Variants in SOX6 observed in about 807,000 individuals in gnomAD.
SOX6 encodes SRY-box transcription factor 6, also known as transcription factor SOX-6.
SOX6 carries 11 observed loss-of-function variants against 97.8 expected under a neutral mutation model. The ratio of observed to expected loss-of-function variants is 0.11; its 90% CI spans 0.07 to 0.19. The LOEUF (loss-of-function observed/expected upper bound fraction) is 0.19. Ranked by LOEUF, SOX6 falls within the 10% of genes least tolerant of loss-of-function variation. The pLI is 1.00. For synonymous variants in SOX6, 360 were observed against 371.4 expected (o/e 0.97, Z 0.35); for missense variants, 810 against 1,039.5 (o/e 0.78, Z 3.04).
chr11:16,677,578 G>A (rs752209650), intron 3 of SOX6, among the ~76,000 whole-genome samples: 1 of 152,090 alleles, frequency 6.6e-6, no homozygotes, highest in Non-Finnish European at 1.5e-5. Flanking sequence ...CCACTTGGTC[G>A]TGATGAATTA....
At chr11:16,037,618 A>C (rs1300218929) in intron 12 of SOX6, among the ~76,000 whole-genome samples, 2 of 152,190 alleles carry the variant, frequency 1.3e-5, no homozygotes, top group Non-Finnish European at 2.9e-5. Context: ...AAGTGTTATT[A>C]ATCACAGATA....
intron 3 of SOX6, among the ~76,000 whole-genome samples, chr11:16,236,406 CT>C (rs1257814401): frequency 6.6e-6 from 1 of 151,942 alleles, no homozygotes; most frequent in African/African-American, 2.4e-5. Context: ...TCACAGATTG[CT>C]TTTTCTCAAA....
intron 3 of SOX6, among the ~76,000 whole-genome samples, chr11:16,296,878 G>T (rs1855109438): frequency 6.6e-6 from 1 of 151,958 alleles, no homozygotes; most frequent in Admixed American, 6.6e-5. Flanking sequence ...AAATATAATA[G>T]TGGAATCTTC....
At chr11:16,424,412 C>A (rs1859083076) in intron 1 of SOX6, among the ~76,000 whole-genome samples, 1 of 152,062 alleles carries the variant, frequency 6.6e-6, no homozygotes, top group Non-Finnish European at 1.5e-5. Flanking sequence ...AGATAACAAA[C>A]TGAGACTCAA....
intron 4 of SOX6, among the ~76,000 whole-genome samples, chr11:16,541,869 G>C (rs756131622): frequency 6.6e-6 from 1 of 152,178 alleles, no homozygotes; most frequent in Non-Finnish European, 1.5e-5. Context: ...GTTGGTGGGA[G>C]TGTAAATTAG....
At chr11:16,253,115 A>G (rs1292960061) in intron 3 of SOX6, among the ~76,000 whole-genome samples, 1 of 152,190 alleles carries the variant, frequency 6.6e-6, no homozygotes, top group East Asian at 1.9e-4. Flanking sequence ...TGGGAGGCCT[A>G]GGCGGGCAGA....
chr11:16,653,147 G>C (rs1847677401), intron 3 of SOX6, among the ~76,000 whole-genome samples: 1 of 152,142 alleles, frequency 6.6e-6, no homozygotes, highest in African/African-American at 2.4e-5. Context: ...AGTGAAAAGG[G>C]AACACTTACA....
intron 13 of SOX6, among the ~76,000 whole-genome samples, chr11:16,008,870 C>G (rs7947979): frequency 0.092 from 14,029 of 152,006 alleles, 1,338 homozygotes; most frequent in East Asian, 0.36. Flanking sequence ...AGGGCTTTGT[C>G]GACTCTGCTT....
intron 13 of SOX6, among the ~76,000 whole-genome samples, chr11:15,996,677 TACTTCAAAC>T (rs1854237162): frequency 6.6e-6 from 1 of 151,064 alleles, no homozygotes; most frequent in Non-Finnish European, 1.5e-5. Context: ...TCTACCAGAG[TACTTCAAAC>T]AAAAGACTTA....
chr11:16,656,988 T>C (rs1847724952), intron 3 of SOX6, among the ~76,000 whole-genome samples: 1 of 152,246 alleles, frequency 6.6e-6, no homozygotes, highest in East Asian at 1.9e-4. Flanking sequence ...GTCCATAGTT[T>C]ACATTAGAGT....
At chr11:16,449,332 G>A (rs1048832151) in intron 1 of SOX6, among the ~76,000 whole-genome samples, 3 of 115,300 alleles carry the variant, frequency 2.6e-5, no homozygotes, top group African/African-American at 3.4e-5. Flanking sequence ...TCGCTGTGTC[G>A]CCCAGGCTGG....
chr11:16,566,720 A>G (rs1391824449), intron 4 of SOX6, among the ~76,000 whole-genome samples: 1 of 152,234 alleles, frequency 6.6e-6, no homozygotes, highest in African/African-American at 2.4e-5. Flanking sequence ...ACCTTCATAC[A>G]TGGCTCATGG....
Position 16,605,154 on chromosome 11 carries a change from C to T in SOX6, n.609+6927G>A, listed in dbSNP as rs1848319711. Among the ~76,000 whole-genome samples the T allele has an allele frequency of 6.6e-6, 1 of 151,966 alleles. No homozygotes were observed. Among genetic ancestry groups the T allele is most frequent in the African/African-American group, 2.4e-5 (1 of 41,420 alleles). On this transcript the variant is annotated intron_variant and non_coding_transcript_variant, in intron 4 of 5. Coordinates refer to the SOX6 transcript ENST00000524520. This position sits in a 1 kb window ranked among gnomAD's most constrained non-coding sequence, Gnocchi z 5.3. ...GAGCCCGGGAGCAGCGGACCGCGGC[C>T]CCGGCTGCAGAGGAACGGCGGGTGG...
chr11:16,544,877 G>A (rs1188876765), intron 4 of SOX6, among the ~76,000 whole-genome samples: 1 of 151,960 alleles, frequency 6.6e-6, no homozygotes, highest in Non-Finnish European at 1.5e-5. Context: ...GAAAAATGCA[G>A]AGGAAAACAT....
chr11:16,693,795 C>T (rs1381626877), intron 3 of SOX6, among the ~76,000 whole-genome samples: 1 of 152,132 alleles, frequency 6.6e-6, no homozygotes, highest in Non-Finnish European at 1.5e-5. Flanking sequence ...AGTCCATATT[C>T]TGATAGTACA....
intron 4 of SOX6, among the ~76,000 whole-genome samples, chr11:16,587,687 T>G (rs888831477): frequency 6.6e-6 from 1 of 152,246 alleles, no homozygotes; most frequent in African/African-American, 2.4e-5. Flanking sequence ...AACTAAGTTG[T>G]TAATGAAAAT....
At chr11:16,156,657 C>A (rs1039359796) in intron 6 of SOX6, among the ~76,000 whole-genome samples, 1 of 151,918 alleles carries the variant, frequency 6.6e-6, no homozygotes, top group African/African-American at 2.4e-5. Flanking sequence ...CTTCCCCTTG[C>A]TCTTTCTACT....
chr11:16,661,545 C>A (rs1232361071), intron 3 of SOX6, among the ~76,000 whole-genome samples: 1 of 151,866 alleles, frequency 6.6e-6, no homozygotes, highest in Admixed American at 6.6e-5. Context: ...CTTCCCTGGT[C>A]TTTTTTTTCT....
chr11:16,161,049 A>G (rs1850734748), intron 6 of SOX6, among the ~76,000 whole-genome samples: 1 of 152,054 alleles, frequency 6.6e-6, no homozygotes, highest in Non-Finnish European at 1.5e-5. Flanking sequence ...CTGGTAAATC[A>G]GCTTTCAAAA....
Sources: allele counts gnomAD v4.1 joint callset (sites outside exome capture counted in the v4.1 genomes callset), GRCh38; gene constraint gnomAD v4.1.1; non-coding constraint Gnocchi (gnomAD v3.1); transcripts MANE v1.5; gene names NCBI Gene and HGNC (gene_info 2026-07-23, HGNC 2026-07-21).